Variants in NRDE2 observed in about 807,000 individuals in gnomAD.
NRDE2 encodes the protein nuclear exosome regulator NRDE2.
In NRDE2, 76 loss-of-function variants were observed where a neutral mutation model predicts 124.2. That is an observed-to-expected ratio of 0.61 (90% CI 0.51 to 0.74). The LOEUF (loss-of-function observed/expected upper bound fraction) is 0.74. Among genes scored for constraint, NRDE2 ranks in the 30% least tolerant of loss-of-function variants. The pLI is 0.00. For missense variants in NRDE2, 1,314 were observed against 1,417.3 expected (o/e 0.93, Z 1.17); for synonymous variants, 489 against 528.1 (o/e 0.93, Z 1.01).
Position 90,318,104 on chromosome 14 carries a change from C to A in NRDE2, c.74G>T (p.Trp25Leu). 1 of 1,612,690 alleles carries A rather than the reference C, an allele frequency of 6.2e-7. No homozygotes were observed. Among genetic ancestry groups the A allele is most frequent in the Non-Finnish European group, 8.5e-7 (1 of 1,179,304 alleles). ...DGGSSRKELD[W>L]LSNPSFCVGS... Reference sequence around the variant, plus strand: ...AACACAAAAGCTTGGGTTGCTCAGCCAGTCTAACTCTGCACAGGCAAAAGG... The same window carrying A: ...AACACAAAAGCTTGGGTTGCTCAGCAAGTCTAACTCTGCACAGGCAAAAGG... The change falls in exon 2 of 14, where the codon TGG becomes TTG. Residue 25 changes from tryptophan to leucine, a missense_variant. Physicochemically the swap from Trp to Leu is moderately conservative, Grantham distance 61. Transcript: ENST00000354366.
At chr14:90,312,626 G>C in intron 3 of NRDE2, 83 bp from the exon 4 acceptor site, 1 of 1,354,598 alleles carries the variant, frequency 7.4e-7, no homozygotes, top group Admixed American at 1.7e-5. Context: ...AGCAATATGA[G>C]AGTTAAACAC....
chr14:90,313,119 A>ATT (rs1207268681), intron 3 of NRDE2, among the ~76,000 whole-genome samples: 1,803 of 102,218 alleles, frequency 0.018, 21 homozygotes, highest in African/African-American at 0.032. Flanking sequence ...TCTCAGCCTC[A>ATT]TTTTTTTTTT....
chr14:90,282,279 C>A (rs1157338379), intron 12 of NRDE2, among the ~76,000 whole-genome samples: 3 of 151,978 alleles, frequency 2.0e-5, no homozygotes. Flanking sequence ...GAGTTCGAGG[C>A]TAGCCTGGAC....
chr14:90,269,662 C>A lies in NRDE2; in HGVS notation c.*8674G>T. On this transcript the variant is annotated 3_prime_UTR_variant, in exon 14 of 14. Transcript: ENST00000354366. The stretch of plus-strand genomic sequence containing the variant: ...TAAAAAAGCAAATACTGCAGTGAAA[C>A]TTAGGATAATTTACAAAAAAATAGG... 1 of 1,216,352 alleles carries A rather than the reference C, an allele frequency of 8.2e-7. No homozygotes were observed. The highest frequency in any genetic ancestry group is 1.2e-6 in the Non-Finnish European group (1 of 869,544). 75.3% of individuals were successfully genotyped at this position (1,216,352 alleles called of 1,614,324 possible). A position where few individuals can be genotyped will look rare whatever the true frequency, so the allele number is the denominator to read the frequency against.
At position 90,306,170 on chromosome 14, in the gene NRDE2, G is replaced by A. The variant is rs552041425; in HGVS notation, c.558-1788C>T. Among the ~76,000 whole-genome samples, 4 of 152,108 alleles carry A rather than the reference G, an allele frequency of 2.6e-5. No individual in the cohort carries two copies. In the East Asian group the frequency reaches 7.7e-4, roughly 29 times the overall value. ...ATTAAAATTTTTTCCTAATAAAACC[G>A]GAAATGCCGTGGGGAGAAAAAGGCA... On this transcript the variant is annotated intron_variant, in intron 4 of 13. Coordinates refer to ENST00000354366, the MANE Select transcript of NRDE2 (RefSeq NM_017970.4).
chr14:90,331,426 A>G (rs1037096645), intron 1 of NRDE2, among the ~76,000 whole-genome samples: 1 of 152,236 alleles, frequency 6.6e-6, no homozygotes, highest in African/African-American at 2.4e-5. Flanking sequence ...TACCAATCTA[A>G]TAAGCATTTC....
At chr14:90,328,080 T>C (rs1885513261) in intron 1 of NRDE2, among the ~76,000 whole-genome samples, 1 of 151,466 alleles carries the variant, frequency 6.6e-6, no homozygotes, top group South Asian at 2.1e-4. Flanking sequence ...GAGGCGGAGC[T>C]TGCAGTGAGC....
In NRDE2 at chr14:90,268,458, C is replaced by T. The variant is rs200738856; in HGVS notation, c.*9878G>A. On this transcript the variant is annotated 3_prime_UTR_variant, in exon 14 of 14. Transcript: ENST00000354366. The stretch of plus-strand genomic sequence containing the variant: ...TTTTGCCTTGTTTAGTAGGGAACAC[C>T]GCATAGCTCTTCTCTTGAGAATGAG... The T allele has an allele frequency of 1.2e-4, 189 of 1,570,644 alleles. No individual in the cohort carries two copies. Among genetic ancestry groups the T allele is most frequent in the Non-Finnish European group, 1.5e-4 (171 of 1,144,558 alleles).
intron 12 of NRDE2, among the ~76,000 whole-genome samples, chr14:90,285,013 T>TGAGC (rs1169793951): frequency 6.6e-6 from 1 of 152,066 alleles, no homozygotes; most frequent in Non-Finnish European, 1.5e-5. Flanking sequence ...GCGCAGTGGC[T>TGAGC]CACACCTGTA....
intron 12 of NRDE2, among the ~76,000 whole-genome samples, chr14:90,281,812 A>G (rs1025129880): frequency 7.9e-5 from 12 of 152,248 alleles, no homozygotes; most frequent in Non-Finnish European, 1.0e-4. Context: ...ATGCATTTCT[A>G]TAATGCTCCC....
In NRDE2 at chr14:90,277,657, C is replaced by G. The variant is rs890814312; in HGVS notation, c.*679G>C. ...TCCTAGACGGCTTGGGAGCAGGCTTCCCCCAGAGGCTGCCAGTGCCCCGGG... is the reference window on the plus strand; with the variant it reads ...TCCTAGACGGCTTGGGAGCAGGCTTGCCCCAGAGGCTGCCAGTGCCCCGGG... On this transcript the variant is annotated 3_prime_UTR_variant, in exon 14 of 14. Transcript: ENST00000354366. 1 of 152,328 alleles carries G rather than the reference C, an allele frequency of 6.6e-6. No individual in the cohort carries two copies. Among genetic ancestry groups the G allele is most frequent in the Non-Finnish European group, 1.5e-5 (1 of 68,140 alleles). The allele number at this position is 152,328 out of a possible 1,614,324, so 9.4% of individuals were successfully genotyped here. A position where few individuals can be genotyped will look rare whatever the true frequency, so the allele number is the denominator to read the frequency against.
At chr14:90,322,478 A>G (rs1193458702) in intron 1 of NRDE2, among the ~76,000 whole-genome samples, 1 of 152,184 alleles carries the variant, frequency 6.6e-6, no homozygotes. Context: ...GATATGCACC[A>G]TATCTTTGCA....
rs561533259 is a variant in NRDE2, at chr14:90,329,770, G to A, written c.64+2071C>T. On this transcript the variant is annotated intron_variant, in intron 1 of 13. Coordinates refer to ENST00000354366, the MANE Select transcript of NRDE2 (RefSeq NM_017970.4). ...CAAGAATCACTTGAAGCCAGGAGGCGGAGGTTGCAGTGAGCTGAGATTGTG... is the reference window on the plus strand; with the variant it reads ...CAAGAATCACTTGAAGCCAGGAGGCAGAGGTTGCAGTGAGCTGAGATTGTG... 3.3e-5 allele frequency among the ~76,000 whole-genome samples: 5 copies of A among 151,146 alleles called. 1 individual carries two copies. The highest frequency in any genetic ancestry group is 3.9e-4 in the East Asian group (2 of 5,160).
In NRDE2 at chr14:90,268,868, T is replaced by C. The variant is rs1001291670; in HGVS notation, c.*9468A>G. ...TAAACAAAATACCTTAGGACTGGTA[T>C]TTGTATAAAGAATAGAAATGTATTT... On this transcript the variant is annotated 3_prime_UTR_variant, in exon 14 of 14. Transcript: ENST00000354366. 3 of 160,494 alleles carry C rather than the reference T, an allele frequency of 1.9e-5. No individual in the cohort carries two copies. Among genetic ancestry groups the C allele is most frequent in the African/African-American group, 7.2e-5 (3 of 41,608 alleles). The allele number at this position is 160,494 out of a possible 1,614,324, so 9.9% of individuals were successfully genotyped here.
chr14:90,300,598 A>C (rs1884357804), intron 7 of NRDE2, among the ~76,000 whole-genome samples: 1 of 151,250 alleles, frequency 6.6e-6, no homozygotes, highest in African/African-American at 2.4e-5. Flanking sequence ...CATTTATCTC[A>C]AACATTGGCA....
At chr14:90,305,978 G>C (rs149343657) in intron 4 of NRDE2, among the ~76,000 whole-genome samples, 690 of 152,264 alleles carry the variant, frequency 4.5e-3, no homozygotes, top group Non-Finnish European at 7.3e-3. Flanking sequence ...GTTGTTTATT[G>C]ATCTGCAGTT....
rs2139681381 is a variant in NRDE2, at chr14:90,295,278, A to G, written c.1667-2406T>C. 2.6e-5 allele frequency among the ~76,000 whole-genome samples: 4 copies of G among 152,308 alleles called. No individual in the cohort carries two copies. The South Asian group carries it at 8.3e-4, about 32-fold the overall frequency. ...ATTTCAAAATAAAACATTTTTAAAA[A>G]CTTAAAACACATAATATGTATACGT... On this transcript the variant is annotated intron_variant, in intron 8 of 13. Transcript: ENST00000354366.
rs1489740985 is a variant in NRDE2, at chr14:90,276,190, G to A, written c.*2146C>T. 6.8e-6 allele frequency: 1 copy of A among 146,600 alleles called. No individual in the cohort carries two copies. The highest frequency in any genetic ancestry group is 1.5e-5 in the Non-Finnish European group (1 of 67,062). The allele number at this position is 146,600 out of a possible 1,614,324, so 9.1% of individuals were successfully genotyped here. A position where few individuals can be genotyped will look rare whatever the true frequency, so the allele number is the denominator to read the frequency against. On this transcript the variant is annotated 3_prime_UTR_variant, in exon 14 of 14. Transcript: ENST00000354366. ...GGAGGCACGTAGTCATCTTTCAGAA[G>A]TTCATGTCAGCAATCTCAAACGGGC...
chr14:90,304,313 A>G lies in NRDE2; in HGVS notation c.627T>C (p.Thr209=). Reference sequence around the variant, plus strand: ...TGCGTGAATGCTTCTTCTCTGTGGAAGTCCCTTCCCAAGATATGCACTGCT... The same window carrying G: ...TGCGTGAATGCTTCTTCTCTGTGGAGGTCCCTTCCCAAGATATGCACTGCT... ...PKKQCISWEG[T]STEKKHSRKQ... Residue 209 remains threonine, a synonymous_variant, in exon 5 of 14, where the codon ACT becomes ACC. Transcript: ENST00000354366. 6.2e-7 allele frequency: 1 copy of G among 1,614,186 alleles called. No individual in the cohort carries two copies. Among genetic ancestry groups the G allele is most frequent in the Non-Finnish European group, 8.5e-7 (1 of 1,180,032 alleles).
Sources: allele counts gnomAD v4.1 joint callset (sites outside exome capture counted in the v4.1 genomes callset), GRCh38; gene constraint gnomAD v4.1.1; transcripts MANE v1.5; gene names NCBI Gene and HGNC (gene_info 2026-07-23, HGNC 2026-07-21).